Variants in BRSK2 observed in about 807,000 individuals in gnomAD.
BRSK2 encodes the protein BR serine/threonine kinase 2.
In BRSK2, 19 loss-of-function variants were observed where a neutral mutation model predicts 83.3. The ratio of observed to expected loss-of-function variants is 0.23; its 90% confidence interval spans 0.16 to 0.33. BRSK2 has a LOEUF of 0.33. Ranked by LOEUF, BRSK2 falls within the 10% of genes least tolerant of loss-of-function variation. The pLI, the probability that BRSK2 is intolerant of heterozygous loss-of-function variation, is 1.00. For synonymous variants in BRSK2, 519 were observed against 435.4 expected, an observed-to-expected ratio of 1.19 and a Z score of -2.39; for missense variants, 798 against 1,042.3, an observed-to-expected ratio of 0.77 and a Z score of 3.23.
At chr11:1,452,964 A>G (rs528856391) in intron 15 of BRSK2, among the ~76,000 whole-genome samples, 50 of 152,318 alleles carry the variant, frequency 3.3e-4, no homozygotes, top group African/African-American at 9.4e-4. Flanking sequence ...GGCTTCAGGA[A>G]GGGATGCATG....
At chr11:1,418,240 A>G (rs1157845396) in intron 1 of BRSK2, among the ~76,000 whole-genome samples, 12 of 117,958 alleles carry the variant, frequency 1.0e-4, no homozygotes, top group African/African-American at 3.8e-4. Flanking sequence ...AGTGGGTCAC[A>G]CTGTGTCCTG....
chr11:1,452,065 G>A (rs997780307), intron 15 of BRSK2, among the ~76,000 whole-genome samples: 8 of 152,206 alleles, frequency 5.3e-5, no homozygotes, highest in African/African-American at 7.2e-5. Context: ...ACACATATGA[G>A]CCTGCAGCGT....
At chr11:1,424,062 C>T (rs879605877) in intron 1 of BRSK2, among the ~76,000 whole-genome samples, 29 of 152,164 alleles carry the variant, frequency 1.9e-4, no homozygotes, top group Non-Finnish European at 3.4e-4. Flanking sequence ...GCTGTTTTTC[C>T]AAGTCGGGTC....
intron 1 of BRSK2, among the ~76,000 whole-genome samples, chr11:1,411,934 TTGG>T (rs1258689275): frequency 1.4e-4 from 22 of 152,334 alleles, no homozygotes; most frequent in African/African-American, 5.1e-4. Flanking sequence ...GAACGTGGCC[TTGG>T]TCACCAGCCT....
At chr11:1,395,425 G>C (rs973436163) in intron 1 of BRSK2, among the ~76,000 whole-genome samples, 2 of 152,180 alleles carry the variant, frequency 1.3e-5, no homozygotes, top group Non-Finnish European at 2.9e-5. Context: ...GCTGCCCCTG[G>C]CGTCTTCCTG....
chr11:1,442,986 G>T, intron 5 of BRSK2, 120 bp from the exon 6 acceptor site: 1 of 1,167,472 alleles, frequency 8.6e-7, no homozygotes. Context: ...AGGGAATGTG[G>T]GGGCGTCTGG....
At chr11:1,450,116 C>T (rs927237407) in intron 13 of BRSK2, among the ~76,000 whole-genome samples, 21 of 152,140 alleles carry the variant, frequency 1.4e-4, no homozygotes, top group South Asian at 4.1e-4. Context: ...CTCCCGCTCC[C>T]GCCTGTTTCT....
chr11:1,446,731 T>C (rs1460487563), intron 12 of BRSK2, among the ~76,000 whole-genome samples: 1 of 152,172 alleles, frequency 6.6e-6, no homozygotes, highest in Non-Finnish European at 1.5e-5. Flanking sequence ...GTGCGGCCTC[T>C]TGGGGATGAG....
At chr11:1,448,337 G>A (rs1369463303) in intron 12 of BRSK2, among the ~76,000 whole-genome samples, 3 of 152,158 alleles carry the variant, frequency 2.0e-5, no homozygotes, top group African/African-American at 4.8e-5. Flanking sequence ...CCGCCCCCAA[G>A]GCTGCAGTGT....
In BRSK2 at chr11:1,461,133, G is replaced by A. The variant is rs1166408170; in HGVS notation, c.*410G>A. Reference sequence around the variant, plus strand: ...CGCGGCAGCTCCTCGCCTCAGCTCCGCACGGCCCGTGGGAGGAAGGCCAGG... The same window carrying A: ...CGCGGCAGCTCCTCGCCTCAGCTCCACACGGCCCGTGGGAGGAAGGCCAGG... On this transcript the variant is annotated 3_prime_UTR_variant, in exon 20 of 20. Coordinates refer to ENST00000528841, the MANE Select transcript of BRSK2 (RefSeq NM_001256627.2). 6.3e-6 allele frequency: 8 copies of A among 1,262,536 alleles called. No homozygotes were observed. The highest frequency in any genetic ancestry group is 5.3e-5 in the East Asian group (2 of 38,078). 78.2% of individuals were successfully genotyped at this position (1,262,536 alleles called of 1,614,324 possible).
chr11:1,411,807 G>T (rs1446779541), intron 1 of BRSK2, among the ~76,000 whole-genome samples: 1 of 152,194 alleles, frequency 6.6e-6, no homozygotes, highest in East Asian at 1.9e-4. Flanking sequence ...CCCCTATGTG[G>T]AGAGGCGCCT....
At chr11:1,429,427 T>C (rs1035916341) in intron 1 of BRSK2, among the ~76,000 whole-genome samples, 1 of 128,012 alleles carries the variant, frequency 7.8e-6, no homozygotes, top group Non-Finnish European at 1.6e-5. Context: ...CATGGAGGTA[T>C]GCACACACCT....
chr11:1,450,216 C>G (rs368057675), intron 13 of BRSK2, among the ~76,000 whole-genome samples: 1 of 151,920 alleles, frequency 6.6e-6, no homozygotes, highest in Non-Finnish European at 1.5e-5. Context: ...TGCGCCTCCC[C>G]GTAGCCTATT....
chr11:1,410,348 C>T (rs566610841), intron 1 of BRSK2: 1 of 523,698 alleles, frequency 1.9e-6, no homozygotes, highest in South Asian at 9.0e-5. Flanking sequence ...GGGTTTGTGA[C>T]GTCGGCCTCG....
intron 19 of BRSK2, 22 bp from the exon 20 acceptor site, chr11:1,460,460 CCTTTTTTTTTTTTTTTTT>C (rs1485475518): frequency 2.7e-6 from 3 of 1,121,194 alleles, no homozygotes; most frequent in Non-Finnish European, 3.4e-6. Context: ...TTTCTTTTTT[CCTTTTTTTTTTTTTTTTT>C]GTCTCTGTTC....
At chr11:1,446,902 G>A (rs1312124889) in intron 12 of BRSK2, among the ~76,000 whole-genome samples, 1 of 152,290 alleles carries the variant, frequency 6.6e-6, no homozygotes, top group East Asian at 1.9e-4. Context: ...GGAGATGTGG[G>A]GGGTGGGACA....
At chr11:1,422,309 G>T (rs895938622) in intron 1 of BRSK2, among the ~76,000 whole-genome samples, 1 of 152,154 alleles carries the variant, frequency 6.6e-6, no homozygotes, top group African/African-American at 2.4e-5. Flanking sequence ...GGTGGGGCCT[G>T]CCCTCCTCCA....
chr11:1,446,127 GGGCTGTGCTGGACTGGACTGGGCTA>G (rs1852061109), intron 12 of BRSK2, among the ~76,000 whole-genome samples: 1 of 150,754 alleles, frequency 6.6e-6, no homozygotes, highest in African/African-American at 2.4e-5. Context: ...GAGCTGGGCT[GGGCTGTGCTGGACTGGACTGGGCTA>G]GGCTGAGCTG....
Position 1,445,253 on chromosome 11 carries a change from G to A in BRSK2, c.813-41G>A, listed in dbSNP as rs138493380. 1.2e-3 allele frequency: 1,816 copies of A among 1,572,120 alleles called. 24 individuals are homozygous for A. In the African/African-American group the frequency reaches 0.022, roughly 19 times the overall value. ...CCCACCCTCGCAGCCGCCCAGGCCCGGCCGGAGCTGATGAGCGGGTGGCCC... is the reference window on the plus strand; with the variant it reads ...CCCACCCTCGCAGCCGCCCAGGCCCAGCCGGAGCTGATGAGCGGGTGGCCC... On this transcript the variant is annotated intron_variant, in intron 9 of 19. Coordinates refer to ENST00000528841, the MANE Select transcript of BRSK2 (RefSeq NM_001256627.2).
Sources: allele counts gnomAD v4.1 joint callset (sites outside exome capture counted in the v4.1 genomes callset), GRCh38; gene constraint gnomAD v4.1.1; transcripts MANE v1.5; gene names NCBI Gene and HGNC (gene_info 2026-07-23, HGNC 2026-07-21).